Variants in AUTS2 observed in about 807,000 individuals in gnomAD.
AUTS2 encodes the protein activator of transcription and developmental regulator AUTS2.
Under a neutral mutation model 112.4 loss-of-function variants are expected in AUTS2, and 17 were observed. The ratio of observed to expected loss-of-function variants is 0.15; its 90% CI spans 0.10 to 0.23. AUTS2 has a LOEUF of 0.23. Among genes scored for constraint, AUTS2 ranks in the 10% least tolerant of loss-of-function variants. The probability of loss-of-function intolerance (pLI) is 1.00; values close to 1 mark genes in which losing one functional copy is unlikely to be tolerated. For synonymous variants in AUTS2, 751 were observed against 702.7 expected, an observed-to-expected ratio of 1.07 and a Z score of -1.09; for missense variants, 1,510 against 1,701.6, an observed-to-expected ratio of 0.89 and a Z score of 1.98.
chr7:70,097,577 A>G (rs1476105), intron 2 of AUTS2, among the ~76,000 whole-genome samples: 38,825 of 152,134 alleles, frequency 0.26, 4,944 homozygotes, highest in Middle Eastern at 0.33. Flanking sequence ...AACACTGAGT[A>G]TATCTGTACA....
intron 5 of AUTS2, among the ~76,000 whole-genome samples, chr7:70,693,842 A>G (rs987498584): frequency 6.6e-6 from 1 of 151,876 alleles, no homozygotes; most frequent in African/African-American, 2.4e-5. Flanking sequence ...GCCCGCCCGC[A>G]AGGAAGGCAG....
chr7:69,753,881 A>G (rs535558534), intron 1 of AUTS2, among the ~76,000 whole-genome samples: 1 of 152,168 alleles, frequency 6.6e-6, no homozygotes, highest in Non-Finnish European at 1.5e-5. Context: ...CAGGCCATGC[A>G]TGGGGGCTTG....
In AUTS2 at chr7:70,528,098, T is replaced by TA. The variant is rs201933216; in HGVS notation, c.690+92317_690+92318insA. Among the ~76,000 whole-genome samples the TA allele has an allele frequency of 9.4e-3, 899 of 95,812 alleles. 8 individuals carry two copies. Among genetic ancestry groups the TA allele is most frequent in the Non-Finnish European group, 0.015 (697 of 48,022 alleles). 62.9% of individuals were successfully genotyped at this position (95,812 alleles called of 152,430 possible). A position where few individuals can be genotyped will look rare whatever the true frequency, so the allele number is the denominator to read the frequency against. Reference sequence around the variant, plus strand: ...AAGTTCACTTAAATTTAAGGATTTTTTTTTTTTTTTTTTTTTTTTTTACTG... The same window carrying TA: ...AAGTTCACTTAAATTTAAGGATTTTTATTTTTTTTTTTTTTTTTTTTTACTG... On this transcript the variant is annotated intron_variant, in intron 5 of 18. Transcript: ENST00000342771.
At chr7:69,915,193 A>G (rs1005952851) in intron 2 of AUTS2, among the ~76,000 whole-genome samples, 2 of 152,254 alleles carry the variant, frequency 1.3e-5, no homozygotes, top group African/African-American at 4.8e-5. Flanking sequence ...GAATACCTTC[A>G]GAGATACATA....
chr7:70,764,902 T>C lies in AUTS2; in HGVS notation c.1365T>C (p.His455=), dbSNP rs1010288143. 1 of 1,023,278 alleles carries C rather than the reference T, an allele frequency of 9.8e-7. No homozygotes were observed. Among genetic ancestry groups the C allele is most frequent in the Non-Finnish European group, 1.4e-6 (1 of 731,296 alleles). 63.4% of individuals were successfully genotyped at this position (1,023,278 alleles called of 1,614,324 possible). A position where few individuals can be genotyped will look rare whatever the true frequency, so the allele number is the denominator to read the frequency against. The stretch of plus-strand genomic sequence containing the variant: ...CCCTCCAGCCCCCCGCACACTCACA[T>C]CACCCCAATATGTTTGCCCCTCCCA... ...TPTLQPPAHS[H]HPNMFAPPTA... Residue 455 remains histidine (H), a synonymous_variant, in exon 8 of 19, where the codon CAT becomes CAC. Coordinates refer to ENST00000342771, the MANE Select transcript of AUTS2 (RefSeq NM_015570.4).
intron 4 of AUTS2, among the ~76,000 whole-genome samples, chr7:70,141,196 CTGTA>C (rs1033177774): frequency 1.3e-5 from 2 of 152,132 alleles, no homozygotes; most frequent in African/African-American, 4.8e-5. Context: ...ATTGAATTGA[CTGTA>C]TGATGTCTCT....
chr7:70,792,657 G>A lies in AUTS2; in HGVS notation c.*1661G>A, dbSNP rs541273546. ...AGACAACAACTAAAAAAAATGCAAG[G>A]AATATGTACACTGGAACTGTAGTGG... On this transcript the variant is annotated 3_prime_UTR_variant, in exon 19 of 19. Transcript: ENST00000342771. The A allele has an allele frequency of 9.4e-5, 14 of 149,694 alleles. No homozygotes were observed. The highest frequency in any genetic ancestry group is 1.9e-4 in the Non-Finnish European group (13 of 67,712). The allele number at this position is 149,694 out of a possible 1,614,324, so 9.3% of individuals were successfully genotyped here. A position where few individuals can be genotyped will look rare whatever the true frequency, so the allele number is the denominator to read the frequency against.
chr7:70,536,337 T>A (rs1264693109), intron 5 of AUTS2, among the ~76,000 whole-genome samples: 2 of 152,106 alleles, frequency 1.3e-5, no homozygotes, highest in Non-Finnish European at 2.9e-5. Context: ...CATCATTACA[T>A]AGAGACACAA....
intron 1 of AUTS2, among the ~76,000 whole-genome samples, chr7:69,844,864 G>A (rs188928816): frequency 1.3e-5 from 2 of 152,266 alleles, no homozygotes; most frequent in East Asian, 3.9e-4. Context: ...TGTGTTCAGT[G>A]CACAGTATGG....
At chr7:70,068,882 C>G (rs1255979527) in intron 2 of AUTS2, among the ~76,000 whole-genome samples, 1 of 152,182 alleles carries the variant, frequency 6.6e-6, no homozygotes, top group Non-Finnish European at 1.5e-5. Flanking sequence ...ATAAGTATGA[C>G]TTTCAGTCTG....
chr7:70,783,444 C>T (rs1316075658), intron 15 of AUTS2: 2 of 152,172 alleles, frequency 1.3e-5, no homozygotes, highest in South Asian at 4.1e-4. Flanking sequence ...GAACAGCAGT[C>T]CAAAACATAA....
At chr7:70,274,948 A>G (rs1250580918) in intron 4 of AUTS2, among the ~76,000 whole-genome samples, 2 of 152,250 alleles carry the variant, frequency 1.3e-5, no homozygotes, top group African/African-American at 4.8e-5. Flanking sequence ...TCCAATGTTC[A>G]TAGAAGCATT....
At chr7:69,712,165 T>A (rs1798357696) in intron 1 of AUTS2, among the ~76,000 whole-genome samples, 1 of 152,190 alleles carries the variant, frequency 6.6e-6, no homozygotes, top group Non-Finnish European at 1.5e-5. Flanking sequence ...TATAAACTAT[T>A]AGGATATGAG....
At chr7:69,760,296 A>G (rs1206259736) in intron 1 of AUTS2, among the ~76,000 whole-genome samples, 4 of 150,634 alleles carry the variant, frequency 2.7e-5, no homozygotes, top group African/African-American at 2.4e-5. Flanking sequence ...CAGCCTCCCA[A>G]TGTGCTAGGA....
intron 4 of AUTS2, among the ~76,000 whole-genome samples, chr7:70,317,566 A>G (rs1262672249): frequency 6.6e-6 from 1 of 152,172 alleles, no homozygotes; most frequent in Non-Finnish European, 1.5e-5. Context: ...GAGGTCACAC[A>G]TTTAGTAAGT....
At chr7:70,031,063 C>G (rs1800754714) in intron 2 of AUTS2, among the ~76,000 whole-genome samples, 1 of 152,108 alleles carries the variant, frequency 6.6e-6, no homozygotes, top group Non-Finnish European at 1.5e-5. Context: ...GGAGGGAGGA[C>G]TGTAAGGGAA....
At chr7:69,887,534 T>C (rs941971640) in intron 1 of AUTS2, among the ~76,000 whole-genome samples, 4 of 151,624 alleles carry the variant, frequency 2.6e-5, no homozygotes, top group African/African-American at 7.3e-5. Context: ...GTAACTACAA[T>C]AGAATCAGTG....
chr7:70,607,167 G>T (rs916848221), intron 5 of AUTS2, among the ~76,000 whole-genome samples: 1 of 152,166 alleles, frequency 6.6e-6, no homozygotes, highest in Admixed American at 6.5e-5. Context: ...TCTGCTGGGG[G>T]GCGAAGGTGG....
At chr7:70,496,955 G>C in intron 5 of AUTS2, among the ~76,000 whole-genome samples, 1 of 87,212 alleles carries the variant, frequency 1.1e-5, no homozygotes, top group Non-Finnish European at 2.2e-5. Context: ...CCCCACACAT[G>C]CACACGTCAC....
Sources: gnomAD v4.1 joint callset for allele counts (sites outside exome capture counted in the v4.1 genomes callset) on GRCh38, gnomAD v4.1.1 for gene constraint, MANE v1.5 for transcripts, NCBI Gene and HGNC (gene_info 2026-07-23, HGNC 2026-07-21) for gene names.